CTDSPL2: variants seen among roughly 807,000 people sequenced by gnomAD.
CTDSPL2 encodes the protein CTD small phosphatase like 2.
A neutral mutation model predicts 60.0 loss-of-function variants in CTDSPL2; 5 were observed. The ratio of observed to expected loss-of-function variants is 0.08; its 90% CI spans 0.04 to 0.18. CTDSPL2 has a LOEUF of 0.18. CTDSPL2 is among the 10% of genes least tolerant of loss of function. The probability of loss-of-function intolerance (pLI) is 1.00; values close to 1 mark genes in which losing one functional copy is unlikely to be tolerated. For synonymous variants in CTDSPL2, 186 were observed against 189.3 expected, an observed-to-expected ratio of 0.98 and a Z score of 0.14; for missense variants, 370 against 548.8, an observed-to-expected ratio of 0.67 and a Z score of 3.26.
chr15:44,437,200 G>C (rs935481321), intron 1 of CTDSPL2, among the ~76,000 whole-genome samples: 2 of 152,124 alleles, frequency 1.3e-5, no homozygotes, highest in African/African-American at 4.8e-5. Context: ...TTGTATTTCA[G>C]ATTTTCCTAG....
rs753379215 is a variant in CTDSPL2, at chr15:44,458,989, A to T, written c.-24-2A>T. The T allele has an allele frequency of 6.8e-7, 1 of 1,480,396 alleles. No homozygotes were observed. The highest frequency in any genetic ancestry group is 9.0e-7 in the Non-Finnish European group (1 of 1,111,160). The allele number at this position is 1,480,396 out of a possible 1,614,324, so 91.7% of individuals were successfully genotyped here. A position where few individuals can be genotyped will look rare whatever the true frequency, so the allele number is the denominator to read the frequency against. ...ATTACATTTATTATTTTTCTCTTTT[A>T]GTTTTACATGTGGCACCCATAAAAG... On this transcript the variant is annotated splice_acceptor_variant, in intron 1 of 12. Transcript: ENST00000260327. LOFTEE classifies it low-confidence loss of function (5UTR_SPLICE).
At chr15:44,433,062 TC>T (rs899313197) in intron 1 of CTDSPL2, among the ~76,000 whole-genome samples, 2 of 151,510 alleles carry the variant, frequency 1.3e-5, no homozygotes, top group African/African-American at 4.8e-5. Flanking sequence ...ATGATTGTAA[TC>T]CCAGCACTTG....
Position 44,526,881 on chromosome 15 carries a change from T to C in CTDSPL2, c.*2707T>C, listed in dbSNP as rs984742183. 1 of 152,612 alleles carries C rather than the reference T, an allele frequency of 6.6e-6. No homozygotes were observed. Among genetic ancestry groups the C allele is most frequent in the Non-Finnish European group, 1.5e-5 (1 of 67,992 alleles). The allele number at this position is 152,612 out of a possible 1,614,324, so 9.5% of individuals were successfully genotyped here. ...GATGAGACACAGCGAAAGTGACCTGTATACACATTACAACTCTGGAGTACA... is the reference window on the plus strand; with the variant it reads ...GATGAGACACAGCGAAAGTGACCTGCATACACATTACAACTCTGGAGTACA... On this transcript the variant is annotated 3_prime_UTR_variant, in exon 13 of 13. Transcript: ENST00000260327.
chr15:44,509,581 T>C (rs1288598380), intron 8 of CTDSPL2, among the ~76,000 whole-genome samples: 1 of 152,170 alleles, frequency 6.6e-6, no homozygotes, highest in Non-Finnish European at 1.5e-5. Context: ...ACAATTTTTA[T>C]CTTAACACAC....
chr15:44,477,158 G>A (rs2080935267), intron 2 of CTDSPL2, among the ~76,000 whole-genome samples: 1 of 152,214 alleles, frequency 6.6e-6, no homozygotes, highest in South Asian at 2.1e-4. Context: ...GATCCCAGGA[G>A]ACAAAGGCTG....
intron 1 of CTDSPL2, among the ~76,000 whole-genome samples, chr15:44,434,094 A>ATTTATTTT (rs1555429284): frequency 6.6e-5 from 10 of 151,578 alleles, no homozygotes; most frequent in South Asian, 4.2e-4. Context: ...TTATTTATTT[A>ATTTATTTT]TTTTTTTCTT....
intron 5 of CTDSPL2, among the ~76,000 whole-genome samples, chr15:44,493,655 T>C (rs1365422249): frequency 6.6e-6 from 1 of 152,046 alleles, no homozygotes; most frequent in Non-Finnish European, 1.5e-5. Context: ...AAAAATTAGC[T>C]GGGCATCGTG....
At position 44,524,319 on chromosome 15, in the gene CTDSPL2, G is replaced by A. The variant is rs1037996506; in HGVS notation, c.*145G>A. ...ATCTTTGGTGCCCAATAATAATTAAGGGTTACAGAAAGAGACTTTATCTAT... is the reference window on the plus strand; with the variant it reads ...ATCTTTGGTGCCCAATAATAATTAAAGGTTACAGAAAGAGACTTTATCTAT... On this transcript the variant is annotated 3_prime_UTR_variant, in exon 13 of 13. Transcript: ENST00000260327. 3 of 651,966 alleles carry A rather than the reference G, an allele frequency of 4.6e-6. No individual in the cohort carries two copies. Among genetic ancestry groups the A allele is most frequent in the Non-Finnish European group, 8.2e-6 (3 of 367,836 alleles). 40.4% of individuals were successfully genotyped at this position (651,966 alleles called of 1,614,324 possible). A position where few individuals can be genotyped will look rare whatever the true frequency, so the allele number is the denominator to read the frequency against.
chr15:44,489,932 G>A (rs950962343), intron 4 of CTDSPL2, among the ~76,000 whole-genome samples: 1 of 152,146 alleles, frequency 6.6e-6, no homozygotes, highest in Non-Finnish European at 1.5e-5. Flanking sequence ...GATTCAATTA[G>A]TATATTGGTA....
rs185504662 is a variant in CTDSPL2 at position 44,452,193 on chromosome 15, A to G, written c.-24-6798A>G. ...AAAATTTTGACAAAAAGATACTCCT[A>G]TAACATTAGAGGGCGTTTCATTTCT... On this transcript the variant is annotated intron_variant, in intron 1 of 12. Transcript: ENST00000260327. Among the ~76,000 whole-genome samples, 25 of 152,304 alleles carry G rather than the reference A, an allele frequency of 1.6e-4. No individual in the cohort carries two copies. The East Asian group carries it at 3.5e-3, about 21-fold the overall frequency.
intron 4 of CTDSPL2, among the ~76,000 whole-genome samples, chr15:44,488,555 G>A (rs2081160378): frequency 2.0e-5 from 3 of 152,296 alleles, no homozygotes; most frequent in South Asian, 2.1e-4. Flanking sequence ...CTCAACGCCT[G>A]TAATCCGAGC....
At chr15:44,484,506 C>T (rs2081085056) in intron 3 of CTDSPL2, 144 bp downstream of exon 3, 23 of 754,044 alleles carry the variant, frequency 3.1e-5, no homozygotes, top group Middle Eastern at 3.8e-4. Flanking sequence ...AGGCCGAGGT[C>T]GGCGGATCAT....
At chr15:44,479,407 CTTTTTTTTT>C (rs11414036) in intron 2 of CTDSPL2, among the ~76,000 whole-genome samples, 54 of 97,894 alleles carry the variant, frequency 5.5e-4, no homozygotes, top group African/African-American at 2.2e-3. Flanking sequence ...ATTTTCTTTC[CTTTTTTTTT>C]TTTTTTTTTT....
chr15:44,461,153 A>G (rs2080559008), intron 2 of CTDSPL2, among the ~76,000 whole-genome samples: 1 of 152,232 alleles, frequency 6.6e-6, no homozygotes, highest in Non-Finnish European at 1.5e-5. Flanking sequence ...ATGAAAGATA[A>G]AAACCAGAAG....
At chr15:44,466,256 G>A (rs1414662882) in intron 2 of CTDSPL2, among the ~76,000 whole-genome samples, 2 of 151,964 alleles carry the variant, frequency 1.3e-5, no homozygotes, top group African/African-American at 2.4e-5. Context: ...GACCTCAAGT[G>A]ATTCACCCGC....
At chr15:44,470,823 A>G (rs762725456) in intron 2 of CTDSPL2, among the ~76,000 whole-genome samples, 23 of 152,128 alleles carry the variant, frequency 1.5e-4, no homozygotes, top group South Asian at 4.1e-4. Flanking sequence ...CTATCTTACT[A>G]TGTATTCTGG....
intron 8 of CTDSPL2, among the ~76,000 whole-genome samples, chr15:44,504,340 T>A (rs193275568): frequency 1.2e-4 from 18 of 151,562 alleles, no homozygotes; most frequent in African/African-American, 4.4e-4. Context: ...ACAAAGCGAG[T>A]CTCCATCTCA....
At chr15:44,512,574 CTGT>C (rs961813583) in intron 8 of CTDSPL2, among the ~76,000 whole-genome samples, 9 of 152,148 alleles carry the variant, frequency 5.9e-5, no homozygotes, top group Admixed American at 3.3e-4. Context: ...ACATAAAAAT[CTGT>C]TGTTGTTTGG....
intron 2 of CTDSPL2, among the ~76,000 whole-genome samples, chr15:44,475,132 A>C (rs369254367): frequency 3.3e-5 from 5 of 152,162 alleles, no homozygotes; most frequent in African/African-American, 1.2e-4. Context: ...AATAAGGCAC[A>C]GAAGTACAAT....
Sources: gnomAD v4.1 joint callset for allele counts (sites outside exome capture counted in the v4.1 genomes callset) on GRCh38, gnomAD v4.1.1 for gene constraint, MANE v1.5 for transcripts, NCBI Gene and HGNC (gene_info 2026-07-23, HGNC 2026-07-21) for gene names.